The following RYR2 variants were observed in gnomAD, a reference collection of about 807,000 sequenced individuals.
The protein encoded by RYR2 is cardiac muscle ryanodine receptor-calcium release channel.
Under a neutral mutation model 601.1 loss-of-function variants are expected in RYR2, and 227 were observed. The observed-to-expected ratio is 0.38, with a 90% confidence interval of 0.34 to 0.42. The LOEUF is 0.42. Ranked by LOEUF, RYR2 falls within the 10% of genes least tolerant of loss-of-function variation. RYR2 has a pLI of 1.00. For missense variants in RYR2, 4,646 were observed against 6,156.5 expected, an observed-to-expected ratio of 0.75 and a Z score of 8.21; for synonymous variants, 2,223 against 2,175.1, an observed-to-expected ratio of 1.02 and a Z score of -0.61.
At chr1:237,790,472 T>C (rs538071901) in intron 92 of RYR2, among the ~76,000 whole-genome samples, 62 of 152,250 alleles carry the variant, frequency 4.1e-4, no homozygotes, top group South Asian at 1.5e-3. Flanking sequence ...AGTTTTCACA[T>C]AGTAGCTGGA....
chr1:237,157,408 A>G (rs1209735993), intron 1 of RYR2, among the ~76,000 whole-genome samples: 1 of 152,136 alleles, frequency 6.6e-6, no homozygotes, highest in Non-Finnish European at 1.5e-5. Context: ...AACAACAGCA[A>G]TCAGTATATC....
chr1:237,670,150 G>A (rs947397956), intron 58 of RYR2, among the ~76,000 whole-genome samples: 55 of 151,916 alleles, frequency 3.6e-4, no homozygotes, highest in Admixed American at 5.9e-4. Flanking sequence ...CCAGTCAGGC[G>A]TGGCGGCGCG....
chr1:237,308,846 C>T (rs1183899760), intron 2 of RYR2, among the ~76,000 whole-genome samples: 1 of 152,228 alleles, frequency 6.6e-6, no homozygotes, highest in Non-Finnish European at 1.5e-5. Context: ...TGGCCCCACC[C>T]ACATCCTGCT....
At chr1:237,659,841 T>G (rs1683599960) in intron 54 of RYR2, 144 bp from the exon 55 acceptor site, 2 of 480,876 alleles carry the variant, frequency 4.2e-6, no homozygotes, top group African/African-American at 4.1e-5. Flanking sequence ...TATAGTGACT[T>G]ATGCTGGATA....
intron 1 of RYR2, among the ~76,000 whole-genome samples, chr1:237,103,693 C>T (rs73115908): frequency 0.021 from 3,237 of 152,292 alleles, 125 homozygotes; most frequent in African/African-American, 0.074. Context: ...CTCAGCCTCC[C>T]GAGTAGCTGG....
At chr1:237,539,256 A>T (rs1668993565) in intron 25 of RYR2, among the ~76,000 whole-genome samples, 1 of 152,222 alleles carries the variant, frequency 6.6e-6, no homozygotes, top group African/African-American at 2.4e-5. Flanking sequence ...CCCTTGCTGA[A>T]AGCATGTATT....
Position 237,590,857 on chromosome 1 carries a change from A to G in RYR2, c.4025A>G (p.Asp1342Gly). ...NDLEDYDADS[D>G]FEVLMKTAHG... Reference sequence around the variant, plus strand: ...TTGGAAGATTATGATGCTGATTCTGACTTTGAGGTTCTGATGAAGACAGCT... The same window carrying G: ...TTGGAAGATTATGATGCTGATTCTGGCTTTGAGGTTCTGATGAAGACAGCT... The change falls in exon 31 of 105, where the codon GAC becomes GGC. Residue 1342 changes from aspartate (D) to glycine (G), a missense_variant. Physicochemically the swap from Asp to Gly is moderately conservative, Grantham distance 94 (BLOSUM62 -1). Coordinates refer to ENST00000366574, the MANE Select transcript of RYR2 (RefSeq NM_001035.3). 1 of 1,613,658 alleles carries G rather than the reference A, an allele frequency of 6.2e-7. No homozygotes were observed. Among genetic ancestry groups the G allele is most frequent in the Non-Finnish European group, 8.5e-7 (1 of 1,179,816 alleles).
At chr1:237,668,049 T>G (rs946160244) in intron 58 of RYR2, 91 bp downstream of exon 58, 6 of 977,108 alleles carry the variant, frequency 6.1e-6, no homozygotes, top group Non-Finnish European at 7.5e-6. Context: ...AACAGCTTAT[T>G]ATAACTTTTT....
chr1:237,264,687 A>C (rs943594374), intron 1 of RYR2, among the ~76,000 whole-genome samples: 1 of 141,694 alleles, frequency 7.1e-6, no homozygotes, highest in African/African-American at 2.6e-5. Context: ...TTTATTTTTT[A>C]TTATTATTAT....
At chr1:237,154,610 T>C (rs1415715) in intron 1 of RYR2, among the ~76,000 whole-genome samples, 70,638 of 151,878 alleles carry the variant, frequency 0.47, 17,670 homozygotes, top group Non-Finnish European at 0.55. Context: ...CATAGGGGTT[T>C]GAGACCAGTC....
intron 1 of RYR2, among the ~76,000 whole-genome samples, chr1:237,057,402 G>A (rs143024445): frequency 6.6e-6 from 1 of 152,086 alleles, no homozygotes; most frequent in African/African-American, 2.4e-5. Flanking sequence ...AGCCAGGATG[G>A]TCTCGATCTC....
intron 36 of RYR2, among the ~76,000 whole-genome samples, chr1:237,611,245 C>T (rs1001664927): frequency 2.0e-5 from 3 of 152,090 alleles, no homozygotes; most frequent in Non-Finnish European, 4.4e-5. Context: ...TTCACTCTTG[C>T]GTTACTTACA....
intron 1 of RYR2, among the ~76,000 whole-genome samples, chr1:237,073,106 T>C (rs1043520415): frequency 5.3e-5 from 8 of 152,160 alleles, no homozygotes; most frequent in African/African-American, 1.9e-4. Flanking sequence ...AGGATTGTTA[T>C]AAGGAGTTAA....
intron 3 of RYR2, among the ~76,000 whole-genome samples, chr1:237,339,496 CT>C (rs751811112): frequency 5.9e-5 from 9 of 152,106 alleles, no homozygotes; most frequent in Middle Eastern, 3.4e-3. Context: ...TCATTCCCCC[CT>C]AAGATAACCA....
chr1:237,352,937 C>T (rs1337730749), intron 3 of RYR2: 6 of 471,074 alleles, frequency 1.3e-5, no homozygotes, highest in Middle Eastern at 3.3e-4. Flanking sequence ...CCAGGTATGT[C>T]GCAACTTTCA....
chr1:237,627,027 TTAAA>T (rs1223238488), intron 40 of RYR2, among the ~76,000 whole-genome samples: 1 of 152,186 alleles, frequency 6.6e-6, no homozygotes, highest in East Asian at 1.9e-4. Context: ...TTGTTTTTGC[TTAAA>T]TAATTTCTAG....
intron 10 of RYR2, among the ~76,000 whole-genome samples, chr1:237,400,210 C>T (rs1351199039): frequency 6.6e-6 from 1 of 152,214 alleles, no homozygotes; most frequent in Non-Finnish European, 1.5e-5. Context: ...TTTGTTACAA[C>T]TGCACATGAC....
At chr1:237,802,863 TG>T (rs1185040080) in intron 98 of RYR2, among the ~76,000 whole-genome samples, 2 of 152,230 alleles carry the variant, frequency 1.3e-5, no homozygotes, top group East Asian at 3.8e-4. Flanking sequence ...CATCTTGCTT[TG>T]TAGTTTTTTT....
chr1:237,445,211 A>T (rs1272733898), intron 13 of RYR2, among the ~76,000 whole-genome samples, 190 bp from the exon 14 acceptor site: 1 of 152,138 alleles, frequency 6.6e-6, no homozygotes, highest in African/African-American at 2.4e-5. Context: ...TAAATGAATA[A>T]ATGGAATGGC....
Sources: gnomAD v4.1 joint callset for allele counts (sites outside exome capture counted in the v4.1 genomes callset) on GRCh38, gnomAD v4.1.1 for gene constraint, MANE v1.5 for transcripts, NCBI Gene and HGNC (gene_info 2026-07-23, HGNC 2026-07-21) for gene names.